Variants in C5orf46 observed in about 807,000 individuals in gnomAD.
C5orf46 encodes the protein uncharacterized protein C5orf46.
A neutral mutation model predicts 8.9 loss-of-function variants in C5orf46; 9 were observed. That is an observed-to-expected ratio of 1.01 (90% CI 0.61 to 1.76). The LOEUF (loss-of-function observed/expected upper bound fraction) is 1.76, where lower values mean the gene tolerates loss of function less well. Among genes scored for constraint, C5orf46 ranks in the 40% most tolerant of loss-of-function variants. The pLI, the probability that C5orf46 is intolerant of heterozygous loss-of-function variation, is 0.00. For synonymous variants in C5orf46, 47 were observed against 41.4 expected (o/e 1.14, Z -0.52); for missense variants, 98 against 107.8 (o/e 0.91, Z 0.40).
chr5:147,901,734 G>C lies in C5orf46; in HGVS notation c.110C>G (p.Ser37Trp), dbSNP rs769272120. 1.1e-5 allele frequency: 18 copies of C among 1,613,798 alleles called. No individual in the cohort carries two copies. Among genetic ancestry groups the C allele is most frequent in the Non-Finnish European group, 1.4e-5 (17 of 1,179,946 alleles). The change falls in exon 2 of 4, where the codon TCG (serine) becomes TGG (tryptophan). Residue 37 changes from serine (S) to tryptophan (W), a missense_variant. Coordinates refer to ENST00000318315, the MANE Select transcript of C5orf46 (RefSeq NM_206966.3). ...PDKPDDKPDD[S>W]GKDPKPDFPK... ...GAAGTCTGGCTTTGGGTCTTTGCCC[G>C]AGTCGTCTGGCTTGTCGTCTGGCTT...
At chr5:147,901,535 T>TTTTG (rs2127130760) in intron 2 of C5orf46, 94 bp downstream of exon 2, 1 of 1,137,666 alleles carries the variant, frequency 8.8e-7, no homozygotes, top group South Asian at 1.8e-5. Context: ...ATGCCACAAA[T>TTTTG]TTTGTTTCTC....
intron 1 of C5orf46, among the ~76,000 whole-genome samples, chr5:147,906,181 G>A (rs1757748299): frequency 6.6e-6 from 1 of 152,136 alleles, no homozygotes; most frequent in African/African-American, 2.4e-5. Flanking sequence ...TACTAGAATA[G>A]TGTCATTATA....
chr5:147,886,356 C>G (rs934294839), intron 2 of C5orf46: 2 of 151,936 alleles, frequency 1.3e-5, no homozygotes, highest in African/African-American at 4.8e-5. Flanking sequence ...TGCTGGATTG[C>G]TCTGTATGAT....
intron 2 of C5orf46, among the ~76,000 whole-genome samples, chr5:147,897,480 T>A (rs1757600487): frequency 6.6e-6 from 1 of 152,198 alleles, no homozygotes; most frequent in Non-Finnish European, 1.5e-5. Flanking sequence ...AAAGAAAATT[T>A]AAAAATTTGG....
chr5:147,904,212 G>T (rs1157979978), intron 1 of C5orf46, among the ~76,000 whole-genome samples: 1 of 152,142 alleles, frequency 6.6e-6, no homozygotes, highest in Non-Finnish European at 1.5e-5. Flanking sequence ...CATGTGTAAG[G>T]TGCCTATCGT....
intron 1 of C5orf46, 68 bp from the exon 2 acceptor site, chr5:147,901,841 G>A: frequency 6.6e-7 from 1 of 1,522,100 alleles, no homozygotes; most frequent in Non-Finnish European, 8.9e-7. Flanking sequence ...TCTGTGTGGG[G>A]AACGCTTGGG....
downstream of C5orf46, among the ~76,000 whole-genome samples, chr5:147,891,955 A>G (rs1757508840): frequency 2.0e-5 from 3 of 152,060 alleles, no homozygotes; most frequent in South Asian, 6.2e-4. Context: ...AAGACAGACA[A>G]ACAAAACATT....
In C5orf46 at chr5:147,894,585, C is replaced by T. The variant is rs185924307; in HGVS notation, c.*10-1646G>A. Among the ~76,000 whole-genome samples, 437 of 152,180 alleles carry T rather than the reference C, an allele frequency of 2.9e-3. 2 individuals carry two copies. Among genetic ancestry groups the T allele is most frequent in the African/African-American group, 9.6e-3 (397 of 41,530 alleles). ...CTTCTTATCTTTTCCAAGGCATTCC[C>T]AAGGCCCCTTTATGCATAACTTTAT... On this transcript the variant is annotated intron_variant, in intron 3 of 3. Coordinates refer to ENST00000318315, the MANE Select transcript of C5orf46 (RefSeq NM_206966.3).
At chr5:147,902,887 A>C (rs962077055) in intron 1 of C5orf46, among the ~76,000 whole-genome samples, 4 of 152,178 alleles carry the variant, frequency 2.6e-5, no homozygotes, top group African/African-American at 9.7e-5. Context: ...CCCCTGAGCA[A>C]TCTTACAGAG....
chr5:147,896,028 G>T (rs1308362328), intron 3 of C5orf46, among the ~76,000 whole-genome samples: 1 of 152,150 alleles, frequency 6.6e-6, no homozygotes, highest in East Asian at 1.9e-4. Context: ...GTTGGGAAAG[G>T]CCATGCTTCC....
downstream of C5orf46, among the ~76,000 whole-genome samples, chr5:147,890,132 T>C (rs759509694): frequency 5.3e-5 from 8 of 152,190 alleles, no homozygotes; most frequent in Non-Finnish European, 1.2e-4. Context: ...CTGGTTCCCA[T>C]GTTCCCATGT....
At chr5:147,892,613 GAATATAT>G (rs1241378938), downstream of C5orf46, 1 of 151,718 alleles carries the variant, frequency 6.6e-6, no homozygotes, top group Non-Finnish European at 1.5e-5. Flanking sequence ...TTATCCTGTT[GAATATAT>G]AAATATATAA....
chr5:147,902,530 G>A (rs1160690695), intron 1 of C5orf46, among the ~76,000 whole-genome samples: 1 of 152,068 alleles, frequency 6.6e-6, no homozygotes, highest in African/African-American at 2.4e-5. Context: ...CGATCTACAT[G>A]GATTGTCTTA....
chr5:147,894,551 C>T (rs1431268353), intron 3 of C5orf46, among the ~76,000 whole-genome samples: 1 of 152,110 alleles, frequency 6.6e-6, no homozygotes, highest in African/African-American at 2.4e-5. Context: ...TCCCCTCCTC[C>T]AGATATTCCT....
At chr5:147,905,506 G>A (rs1386327631) in intron 1 of C5orf46, among the ~76,000 whole-genome samples, 1 of 152,176 alleles carries the variant, frequency 6.6e-6, no homozygotes, top group Non-Finnish European at 1.5e-5. Context: ...CTGTTGTAAT[G>A]TCTGTCTGTG....
chr5:147,891,951 G>GACAA (rs3069811), downstream of C5orf46, among the ~76,000 whole-genome samples: 26,338 of 151,994 alleles, frequency 0.17, 5,820 homozygotes, highest in African/African-American at 0.52. Flanking sequence ...CAGGAAGACA[G>GACAA]ACAAACAAAA....
chr5:147,897,526 T>C lies in C5orf46; in HGVS notation c.216-485A>G, dbSNP rs79129195. On this transcript the variant is annotated intron_variant, in intron 2 of 3. Transcript: ENST00000318315. ...TCATTACTAAATGCTAGAAACATTATGCCCTATGGCTTAAGGACTGGGTAC... is the reference window on the plus strand; with the variant it reads ...TCATTACTAAATGCTAGAAACATTACGCCCTATGGCTTAAGGACTGGGTAC... Among the ~76,000 whole-genome samples the C allele has an allele frequency of 3.2e-3, 490 of 152,354 alleles. 3 individuals carry two copies. Among genetic ancestry groups the C allele is most frequent in the African/African-American group, 0.011 (449 of 41,594 alleles).
rs551906544 is a variant in C5orf46 at position 147,900,312 on chromosome 5, C to T, written c.215+1317G>A. On this transcript the variant is annotated intron_variant, in intron 2 of 3. Transcript: ENST00000318315. Reference sequence around the variant, plus strand: ...GTGGAGAAGGATTGCCTGTAGAACACTGCCCAATCAGATGACAATCTATCC... The same window carrying T: ...GTGGAGAAGGATTGCCTGTAGAACATTGCCCAATCAGATGACAATCTATCC... Among the ~76,000 whole-genome samples, 150 of 152,256 alleles carry T rather than the reference C, an allele frequency of 9.9e-4. 1 individual carries two copies. The highest frequency in any genetic ancestry group is 2.9e-4 in the Non-Finnish European group (20 of 68,030).
chr5:147,891,907 T>C (rs920733410), downstream of C5orf46, among the ~76,000 whole-genome samples: 2 of 152,172 alleles, frequency 1.3e-5, no homozygotes, highest in African/African-American at 4.8e-5. Context: ...AAATTATTTG[T>C]GCTGCATGCA....
Sources: gnomAD v4.1 joint callset for allele counts (sites outside exome capture counted in the v4.1 genomes callset) on GRCh38, gnomAD v4.1.1 for gene constraint, MANE v1.5 for transcripts, NCBI Gene and HGNC (gene_info 2026-07-23, HGNC 2026-07-21) for gene names.